Variants in CDH12 observed in about 807,000 individuals in gnomAD.
CDH12 encodes the protein cadherin-12.
CDH12 carries 41 observed loss-of-function variants against 74.1 expected under a neutral mutation model. The observed-to-expected ratio is 0.55, with a 90% confidence interval of 0.43 to 0.72. The LOEUF (loss-of-function observed/expected upper bound fraction) is 0.72. CDH12 is among the 30% of genes least tolerant of loss of function. The pLI is 0.00. For synonymous variants in CDH12, 399 were observed against 355.0 expected, an observed-to-expected ratio of 1.12 and a Z score of -1.39; for missense variants, 945 against 977.2, an observed-to-expected ratio of 0.97 and a Z score of 0.44.
At position 22,445,620 on chromosome 5, in the gene CDH12, C is replaced by T. The variant is rs146101775; in HGVS notation, c.-427-40269G>A. 9.1e-4 allele frequency among the ~76,000 whole-genome samples: 138 copies of T among 152,198 alleles called. 2 individuals carry two copies. The highest frequency in any genetic ancestry group is 3.1e-3 in the African/African-American group (127 of 41,532). On this transcript the variant is annotated intron_variant, in intron 2 of 14. Transcript: ENST00000382254. ...AGAAAAATAATGTTTTTATCTTGAA[C>T]CTCCCTTTTATATCCAAATTTCTTT...
intron 4 of CDH12, among the ~76,000 whole-genome samples, chr5:22,110,856 C>T (rs1216250822): frequency 6.6e-6 from 1 of 152,106 alleles, no homozygotes; most frequent in Non-Finnish European, 1.5e-5. Flanking sequence ...AGGCTATCAT[C>T]ATTTAAACTA....
intron 3 of CDH12, among the ~76,000 whole-genome samples, chr5:22,348,023 G>A (rs538370316): frequency 1.3e-5 from 2 of 152,252 alleles, no homozygotes; most frequent in Admixed American, 1.3e-4. Flanking sequence ...CCAACAACCA[G>A]AACCAAAGCT....
intron 3 of CDH12, among the ~76,000 whole-genome samples, chr5:22,283,229 T>TATATAG (rs1561281577): frequency 5.1e-5 from 2 of 39,444 alleles, no homozygotes; most frequent in African/African-American, 1.7e-4. Flanking sequence ...TATATATATA[T>TATATAG]ATATATATAT....
chr5:21,932,389 C>A (rs2150082231), intron 6 of CDH12, among the ~76,000 whole-genome samples: 1 of 152,236 alleles, frequency 6.6e-6, no homozygotes, highest in Middle Eastern at 3.4e-3. Flanking sequence ...GTTAAAAACA[C>A]AAACATAAAT....
intron 6 of CDH12, among the ~76,000 whole-genome samples, chr5:21,957,531 A>C (rs1756156705): frequency 6.6e-6 from 1 of 152,232 alleles, no homozygotes. Context: ...CACTCCCACT[A>C]ACAGTGTGTA....
At chr5:22,332,427 T>C (rs1040098487) in intron 3 of CDH12, among the ~76,000 whole-genome samples, 7 of 152,088 alleles carry the variant, frequency 4.6e-5, no homozygotes, top group Non-Finnish European at 8.8e-5. Flanking sequence ...TCTTCAAAGA[T>C]TAAAAAGCAA....
intron 6 of CDH12, chr5:21,884,021 G>T: frequency 1.3e-6 from 2 of 1,483,134 alleles, no homozygotes; most frequent in African/African-American, 1.4e-5. Context: ...TTCCAGCAAT[G>T]ACCACTGCTA....
At chr5:22,433,981 A>T (rs1744273194) in intron 2 of CDH12, among the ~76,000 whole-genome samples, 1 of 152,086 alleles carries the variant, frequency 6.6e-6, no homozygotes, top group South Asian at 2.1e-4. Flanking sequence ...ACGTTCTGTA[A>T]GTTTTCTGAG....
chr5:22,654,174 C>A lies in CDH12; in HGVS notation c.-522-148810G>T, dbSNP rs553743830. Among the ~76,000 whole-genome samples, 24 of 146,592 alleles carry A rather than the reference C, an allele frequency of 1.6e-4. 1 individual carries two copies. The East Asian group carries it at 3.3e-3, about 20-fold the overall frequency. On this transcript the variant is annotated intron_variant, in intron 1 of 14. Transcript: ENST00000382254. ...CTTCCTTCCTTCCCTCCCTTCCTTC[C>A]TTTCTTCTTTCTTTCTTTCTTTCTT...
chr5:21,987,298 T>A (rs893406087), intron 5 of CDH12, among the ~76,000 whole-genome samples: 1 of 152,156 alleles, frequency 6.6e-6, no homozygotes, highest in African/African-American at 2.4e-5. Context: ...AAAGTATACA[T>A]GATGTATTAG....
intron 1 of CDH12, among the ~76,000 whole-genome samples, chr5:22,558,882 A>C (rs1419108003): frequency 6.6e-6 from 1 of 152,088 alleles, no homozygotes; most frequent in Non-Finnish European, 1.5e-5. Context: ...TCCCTGTGAC[A>C]TAGGAAATTA....
chr5:22,676,247 C>T (rs1741182484), intron 1 of CDH12, among the ~76,000 whole-genome samples: 1 of 151,828 alleles, frequency 6.6e-6, no homozygotes, highest in Non-Finnish European at 1.5e-5. Flanking sequence ...CAAAAGTCAC[C>T]AGAAAATTAA....
intron 6 of CDH12, among the ~76,000 whole-genome samples, chr5:21,927,107 G>A (rs776941245): frequency 9.4e-4 from 143 of 152,154 alleles, no homozygotes; most frequent in Non-Finnish European, 1.6e-3. Context: ...GTACACTGTC[G>A]TAATGGCAGA....
chr5:22,227,253 T>A (rs1752226773), intron 3 of CDH12, among the ~76,000 whole-genome samples: 1 of 152,000 alleles, frequency 6.6e-6, no homozygotes, highest in African/African-American at 2.4e-5. Flanking sequence ...CTGGTAAGTG[T>A]TCTACCATAA....
intron 6 of CDH12, among the ~76,000 whole-genome samples, chr5:21,860,169 G>T (rs1750968564): frequency 6.6e-6 from 1 of 151,978 alleles, no homozygotes; most frequent in African/African-American, 2.4e-5. Flanking sequence ...TCTTTATTTT[G>T]TTAAGAATAT....
intron 6 of CDH12, among the ~76,000 whole-genome samples, chr5:21,927,939 G>A (rs368063390): frequency 2.8e-4 from 43 of 152,098 alleles, no homozygotes; most frequent in African/African-American, 9.6e-4. Flanking sequence ...GGGCTTGGTA[G>A]CTGGCGCCTG....
chr5:22,220,759 G>A (rs1374973125), intron 3 of CDH12, among the ~76,000 whole-genome samples: 1 of 151,636 alleles, frequency 6.6e-6, no homozygotes, highest in African/African-American at 2.4e-5. Flanking sequence ...TTCATTCAAG[G>A]TGCATACTGA....
At chr5:22,652,027 C>T (rs1360963486) in intron 1 of CDH12, among the ~76,000 whole-genome samples, 1 of 151,970 alleles carries the variant, frequency 6.6e-6, no homozygotes, top group Non-Finnish European at 1.5e-5. Context: ...ATGGTTAAAA[C>T]GTAGGTTCAG....
At chr5:22,513,835 C>A (rs1436936680) in intron 1 of CDH12, among the ~76,000 whole-genome samples, 1 of 151,204 alleles carries the variant, frequency 6.6e-6, no homozygotes, top group Non-Finnish European at 1.5e-5. Context: ...GTAATCCCAG[C>A]TACTTAGGAG....
Sources: gnomAD v4.1 joint callset for allele counts (sites outside exome capture counted in the v4.1 genomes callset) on GRCh38, gnomAD v4.1.1 for gene constraint, MANE v1.5 for transcripts, NCBI Gene and HGNC (gene_info 2026-07-23, HGNC 2026-07-21) for gene names.